The following SEMA6A variants were observed in gnomAD, a reference collection of about 807,000 sequenced individuals.
SEMA6A encodes semaphorin 6A.
SEMA6A carries 25 observed loss-of-function variants against 96.8 expected under a neutral mutation model. The ratio of observed to expected loss-of-function variants is 0.26; its 90% CI spans 0.19 to 0.36. The LOEUF (loss-of-function observed/expected upper bound fraction) is 0.36, where lower values mean the gene tolerates loss of function less well. Ranked by LOEUF, SEMA6A falls within the 10% of genes least tolerant of loss-of-function variation. SEMA6A has a pLI of 1.00. For synonymous variants in SEMA6A, 612 were observed against 518.0 expected (o/e 1.18, Z -2.46); for missense variants, 1,363 against 1,323.1 (o/e 1.03, Z -0.47).
intron 1 of SEMA6A, among the ~76,000 whole-genome samples, chr5:116,520,832 T>C (rs1370290247): frequency 1.3e-5 from 2 of 152,132 alleles, no homozygotes; most frequent in Admixed American, 1.3e-4. Context: ...CTATGGTTCT[T>C]GGATCCTCTG....
intron 1 of SEMA6A, among the ~76,000 whole-genome samples, chr5:116,540,378 G>A (rs1759905342): frequency 6.6e-6 from 1 of 152,156 alleles, no homozygotes; most frequent in Admixed American, 6.5e-5. Context: ...TCTGTCCCCT[G>A]CCTGTATGTT....
At chr5:116,491,973 G>A in intron 6 of SEMA6A, 143 bp from the exon 7 acceptor site, 2 of 647,458 alleles carry the variant, frequency 3.1e-6, no homozygotes, top group Non-Finnish European at 5.6e-6. Flanking sequence ...CTTTTAAACT[G>A]TAGTTGAGAA....
intron 18 of SEMA6A, among the ~76,000 whole-genome samples, chr5:116,457,713 A>G (rs1445125925): frequency 6.6e-6 from 1 of 152,154 alleles, no homozygotes; most frequent in African/African-American, 2.4e-5. Flanking sequence ...TAATATATCC[A>G]CTACATTTCG....
At chr5:116,529,668 AAAAGAAAGAG>A (rs1189689886) in intron 1 of SEMA6A, among the ~76,000 whole-genome samples, 3 of 152,188 alleles carry the variant, frequency 2.0e-5, no homozygotes, top group Non-Finnish European at 1.5e-5. Flanking sequence ...ACTGTTTCAA[AAAAGAAAGAG>A]AAAGAAAGAG....
Position 116,467,900 on chromosome 5 carries a change from G to A in SEMA6A, c.1730-153C>T. ...ACGGCTTAGTGGTGGTGGTGGTGGT[G>A]GTGGTGGTGGTGGTGTGGGGTGTGT... On this transcript the variant is annotated intron_variant, in intron 17 of 18. Transcript: ENST00000343348. 2 of 695,728 alleles carry A rather than the reference G, an allele frequency of 2.9e-6. 1 individual carries two copies. The highest frequency in any genetic ancestry group is 5.5e-5 in the Admixed American group (2 of 36,682). The allele number at this position is 695,728 out of a possible 1,614,324, so 43.1% of individuals were successfully genotyped here. A position where few individuals can be genotyped will look rare whatever the true frequency, so the allele number is the denominator to read the frequency against.
chr5:116,469,221 T>G (rs1222560728), intron 17 of SEMA6A: 1 of 152,186 alleles, frequency 6.6e-6, no homozygotes, highest in Non-Finnish European at 1.5e-5. Context: ...GTGGGAAACA[T>G]TCAATTTGTT....
chr5:116,459,547 C>G (rs1427434579), intron 18 of SEMA6A, among the ~76,000 whole-genome samples: 2 of 152,116 alleles, frequency 1.3e-5, no homozygotes, highest in Non-Finnish European at 2.9e-5. Context: ...ACCACACACT[C>G]CTTGCCTCTT....
chr5:116,494,870 C>T (rs911467108), intron 6 of SEMA6A, among the ~76,000 whole-genome samples: 2 of 152,204 alleles, frequency 1.3e-5, no homozygotes, highest in African/African-American at 4.8e-5. Flanking sequence ...TGCATCAAAA[C>T]CAGCTAGATT....
intron 1 of SEMA6A, among the ~76,000 whole-genome samples, chr5:116,516,760 C>A (rs1238465743): frequency 6.6e-6 from 1 of 152,184 alleles, no homozygotes; most frequent in African/African-American, 2.4e-5. Context: ...TATCCCCAAA[C>A]ATCCTGAAAA....
intron 18 of SEMA6A, 23 bp from the exon 19 acceptor site, chr5:116,447,834 C>A: frequency 1.3e-6 from 2 of 1,534,544 alleles, no homozygotes; most frequent in East Asian, 2.3e-5. Flanking sequence ...TCGCATATGG[C>A]GTTAAGAAAT....
intron 6 of SEMA6A, among the ~76,000 whole-genome samples, chr5:116,493,562 A>G (rs1314325567): frequency 6.6e-6 from 1 of 152,082 alleles, no homozygotes; most frequent in African/African-American, 2.4e-5. Flanking sequence ...GAACCCTTCT[A>G]TTTTGTGCCT....
intron 1 of SEMA6A, among the ~76,000 whole-genome samples, chr5:116,510,831 A>C (rs1758369383): frequency 6.6e-6 from 1 of 152,168 alleles, no homozygotes; most frequent in Non-Finnish European, 1.5e-5. Flanking sequence ...AAAAAATGTA[A>C]ATCATGGCAC....
At chr5:116,475,437 T>C (rs1368703193) in intron 16 of SEMA6A, 108 bp downstream of exon 16, 4 of 646,214 alleles carry the variant, frequency 6.2e-6, no homozygotes, top group African/African-American at 5.6e-5. Flanking sequence ...CATTTACGCA[T>C]GCTTTAGTGT....
At chr5:116,496,038 C>T (rs141657267) in intron 5 of SEMA6A, 3 of 495,204 alleles carry the variant, frequency 6.1e-6, no homozygotes, top group African/African-American at 3.9e-5. Context: ...CTAAGTAGTT[C>T]ATGATGCAGG....
Position 116,502,334 on chromosome 5 carries a change from A to C in SEMA6A, c.101-7T>G, listed in dbSNP as rs1431192348. The C allele has an allele frequency of 1.2e-6, 2 of 1,612,756 alleles. No individual in the cohort carries two copies. Among genetic ancestry groups the C allele is most frequent in the Admixed American group, 1.7e-5 (1 of 60,002 alleles). On this transcript the variant is annotated splice_polypyrimidine_tract_variant and splice_region_variant and intron_variant, in intron 2 of 18. Transcript: ENST00000343348. Reference sequence around the variant, plus strand: ...ACCGGATACTGTTTTGTATCTGTGAAAAGAGGAGATGGGGCAAGAAAGGAA... The same window carrying C: ...ACCGGATACTGTTTTGTATCTGTGACAAGAGGAGATGGGGCAAGAAAGGAA...
intron 1 of SEMA6A, among the ~76,000 whole-genome samples, chr5:116,535,699 T>C (rs1759676340): frequency 6.6e-6 from 1 of 152,192 alleles, no homozygotes. Context: ...TTTCAACAAA[T>C]GTCCAGCTAT....
chr5:116,473,058 T>A lies in SEMA6A; in HGVS notation c.1729+15A>T. The A allele has an allele frequency of 6.3e-7, 1 of 1,588,932 alleles. No homozygotes were observed. The highest frequency in any genetic ancestry group is 2.3e-5 in the East Asian group (1 of 44,060). ...TTCCACCAGTATGGAATTATGAGAG[T>A]AATATCTTCCTTACCATTCAGTGCC... On this transcript the variant is annotated intron_variant, in intron 17 of 18. Transcript: ENST00000343348.
intron 10 of SEMA6A, among the ~76,000 whole-genome samples, chr5:116,486,258 A>G (rs538317397): frequency 6.6e-6 from 1 of 152,270 alleles, no homozygotes; most frequent in South Asian, 2.1e-4. Context: ...CAATGTTTTA[A>G]CTTCAAAAGG....
chr5:116,544,488 G>C, intron 1 of SEMA6A, among the ~76,000 whole-genome samples: 1 of 151,018 alleles, frequency 6.6e-6, no homozygotes, highest in East Asian at 1.9e-4. Context: ...TTTAGAGATG[G>C]GGGTCTCATT....
Sources: allele counts gnomAD v4.1 joint callset (sites outside exome capture counted in the v4.1 genomes callset), GRCh38; gene constraint gnomAD v4.1.1; transcripts MANE v1.5; gene names NCBI Gene and HGNC (gene_info 2026-07-23, HGNC 2026-07-21).